The following KATNAL1 variants were observed in gnomAD, a reference collection of about 807,000 sequenced individuals.
The protein encoded by KATNAL1 is katanin p60 ATPase-containing subunit A-like 1.
KATNAL1 carries 32 observed loss-of-function variants against 55.2 expected under a neutral mutation model. The ratio of observed to expected loss-of-function variants is 0.58; its 90% CI spans 0.44 to 0.78. The LOEUF is 0.78. Among genes scored for constraint, KATNAL1 ranks in the 30% least tolerant of loss-of-function variants. The pLI is 0.00. For synonymous variants in KATNAL1, 193 were observed against 193.6 expected (o/e 1.00, Z 0.02); for missense variants, 466 against 600.9 (o/e 0.78, Z 2.35).
intron 1 of KATNAL1, chr13:30,296,583 G>C: frequency 1.4e-6 from 1 of 728,238 alleles, no homozygotes; most frequent in South Asian, 1.4e-5. Flanking sequence ...TTTGCCTGTG[G>C]GACGCTCATT....
At chr13:30,269,835 C>T (rs1260499821) in intron 3 of KATNAL1, among the ~76,000 whole-genome samples, 5 of 151,060 alleles carry the variant, frequency 3.3e-5, no homozygotes, top group African/African-American at 4.9e-5. Context: ...CCCCTCCGCC[C>T]GGCAGCCACC....
intron 4 of KATNAL1, among the ~76,000 whole-genome samples, chr13:30,252,364 C>T (rs1878399365): frequency 6.6e-6 from 1 of 152,166 alleles, no homozygotes; most frequent in African/African-American, 2.4e-5. Flanking sequence ...GTTCCCAACA[C>T]CAAATTAAAA....
intron 10 of KATNAL1, among the ~76,000 whole-genome samples, chr13:30,209,875 G>A (rs1007898090): frequency 5.3e-5 from 8 of 151,950 alleles, no homozygotes; most frequent in African/African-American, 9.7e-5. Context: ...TCCACCTCCC[G>A]GGTTCATGCC....
intron 6 of KATNAL1, among the ~76,000 whole-genome samples, chr13:30,234,086 T>C (rs1876397664): frequency 6.6e-6 from 1 of 152,190 alleles, no homozygotes; most frequent in African/African-American, 2.4e-5. Flanking sequence ...TGAAGACAAA[T>C]GTTAAAGGTG....
At chr13:30,230,163 A>G (rs990845564) in intron 8 of KATNAL1, among the ~76,000 whole-genome samples, 3 of 152,156 alleles carry the variant, frequency 2.0e-5, no homozygotes, top group African/African-American at 7.2e-5. Flanking sequence ...GACCTTGCAG[A>G]TTCTTTAAAG....
intron 9 of KATNAL1, among the ~76,000 whole-genome samples, chr13:30,224,081 C>T (rs535131107): frequency 6.6e-5 from 10 of 151,954 alleles, no homozygotes; most frequent in Middle Eastern, 3.4e-3. Context: ...GCTCCCAAAC[C>T]AATTTAAATG....
chr13:30,240,961 A>G lies in KATNAL1; in HGVS notation c.618T>C (p.His206=), dbSNP rs1877213628. 1 of 1,612,134 alleles carries G rather than the reference A, an allele frequency of 6.2e-7. No homozygotes were observed. Among genetic ancestry groups the G allele is most frequent in the South Asian group, 1.1e-5 (1 of 90,862 alleles). The change falls in exon 5 of 11, where the codon CAT becomes CAC. Residue 206 remains histidine, a splice_region_variant and synonymous_variant. Transcript: ENST00000380615. ...TCAATAATTTGAAAGACTCTAACCAATGAATGCTAGGATTCCTGGATACAA... is the reference window on the plus strand; with the variant it reads ...TCAATAATTTGAAAGACTCTAACCAGTGAATGCTAGGATTCCTGGATACAA... ...RDIVSRNPSI[H]WDDIADLEEA...
chr13:30,287,662 C>T (rs956094890), intron 1 of KATNAL1, among the ~76,000 whole-genome samples: 25 of 152,222 alleles, frequency 1.6e-4, no homozygotes, highest in African/African-American at 5.8e-4. Flanking sequence ...AACATTAACA[C>T]GAAACAATAT....
intron 1 of KATNAL1, chr13:30,306,626 A>T (rs1883194215): frequency 6.6e-6 from 1 of 152,196 alleles, no homozygotes; most frequent in Admixed American, 6.5e-5. Flanking sequence ...TTACCAATTG[A>T]TGGGTTTAAT....
At chr13:30,223,550 G>C (rs140215728) in intron 9 of KATNAL1, among the ~76,000 whole-genome samples, 277 of 148,156 alleles carry the variant, frequency 1.9e-3, no homozygotes, top group Admixed American at 7.7e-3. Flanking sequence ...GGAAAAGAAA[G>C]ACGGTAAGGC....
intron 8 of KATNAL1, among the ~76,000 whole-genome samples, chr13:30,228,404 A>G (rs188394641): frequency 5.3e-4 from 81 of 151,722 alleles, no homozygotes; most frequent in African/African-American, 1.8e-3. Flanking sequence ...ACTGAAACAT[A>G]TAATATTTTC....
chr13:30,259,314 TG>T (rs1377033928), intron 3 of KATNAL1, among the ~76,000 whole-genome samples: 1 of 150,738 alleles, frequency 6.6e-6, no homozygotes, highest in Non-Finnish European at 1.5e-5. Flanking sequence ...CATTCCAGCC[TG>T]GGCCACACAG....
intron 1 of KATNAL1, among the ~76,000 whole-genome samples, chr13:30,306,544 CCA>C (rs1883189337): frequency 6.6e-6 from 1 of 152,276 alleles, no homozygotes; most frequent in African/African-American, 2.4e-5. Context: ...CCAGATACCA[CCA>C]TATAATCGCA....
intron 2 of KATNAL1, among the ~76,000 whole-genome samples, chr13:30,282,290 G>A (rs1241212001): frequency 6.6e-6 from 1 of 152,028 alleles, no homozygotes; most frequent in African/African-American, 2.4e-5. Context: ...AAAGAGTTTT[G>A]CAAAATGGGT....
At chr13:30,252,760 T>TG (rs201314657) in intron 4 of KATNAL1, among the ~76,000 whole-genome samples, 1 of 151,814 alleles carries the variant, frequency 6.6e-6, no homozygotes, top group Non-Finnish European at 1.5e-5. Flanking sequence ...TTTTTTTTTT[T>TG]GAGACCAAGT....
rs1270797999 is a variant in KATNAL1 at position 30,260,910 on chromosome 13, A to G, written c.324-5295T>C. 4.4e-4 allele frequency among the ~76,000 whole-genome samples: 67 copies of G among 150,624 alleles called. No homozygotes were observed. The East Asian group carries it at 0.011, about 26-fold the overall frequency. Reference sequence around the variant, plus strand: ...CTCGAGAAGAGCAACTCCAAGACACATAATTGTCAGATTCACCAAAGTTGA... The same window carrying G: ...CTCGAGAAGAGCAACTCCAAGACACGTAATTGTCAGATTCACCAAAGTTGA... On this transcript the variant is annotated intron_variant, in intron 3 of 10. Coordinates refer to ENST00000380615, the MANE Select transcript of KATNAL1 (RefSeq NM_032116.5).
intron 1 of KATNAL1, among the ~76,000 whole-genome samples, chr13:30,287,195 G>A (rs1475485264): frequency 6.6e-6 from 1 of 152,140 alleles, no homozygotes; most frequent in Non-Finnish European, 1.5e-5. Flanking sequence ...TTTGGGAAGG[G>A]CCACAGGCAG....
intron 4 of KATNAL1, among the ~76,000 whole-genome samples, chr13:30,249,142 G>A (rs1332803942): frequency 6.6e-6 from 1 of 152,000 alleles, no homozygotes; most frequent in East Asian, 1.9e-4. Flanking sequence ...TGAGGCAGGA[G>A]AATTGCTTGA....
intron 1 of KATNAL1, among the ~76,000 whole-genome samples, chr13:30,294,669 T>C (rs1434394556): frequency 6.6e-6 from 1 of 152,226 alleles, no homozygotes; most frequent in East Asian, 1.9e-4. Flanking sequence ...CAACAGATTT[T>C]CAATGTAGAC....
Sources: allele counts gnomAD v4.1 joint callset (sites outside exome capture counted in the v4.1 genomes callset), GRCh38; gene constraint gnomAD v4.1.1; transcripts MANE v1.5; gene names NCBI Gene and HGNC (gene_info 2026-07-23, HGNC 2026-07-21).